Variants in FAF1 observed in about 807,000 individuals in gnomAD.
The protein encoded by FAF1 is Fas associated factor 1, also known as FAS-associated factor 1.
Under a neutral mutation model 92.5 loss-of-function variants are expected in FAF1, and 25 were observed. The ratio of observed to expected loss-of-function variants is 0.27; its 90% CI spans 0.20 to 0.38. The LOEUF (loss-of-function observed/expected upper bound fraction) is 0.38, where lower values mean the gene tolerates loss of function less well. Ranked by LOEUF, FAF1 falls within the 10% of genes least tolerant of loss-of-function variation. The probability of loss-of-function intolerance (pLI) is 1.00; values close to 1 mark genes in which losing one functional copy is unlikely to be tolerated. For synonymous variants in FAF1, 234 were observed against 273.2 expected (o/e 0.86, Z 1.42); for missense variants, 636 against 793.3 (o/e 0.80, Z 2.38).
intron 8 of FAF1, among the ~76,000 whole-genome samples, chr1:50,614,095 G>GA (rs932021082): frequency 2.6e-4 from 38 of 147,550 alleles, no homozygotes; most frequent in Middle Eastern, 3.4e-3. Flanking sequence ...GACTCTGTCT[G>GA]AAAAAAAAAG....
intron 8 of FAF1, among the ~76,000 whole-genome samples, chr1:50,636,557 T>C (rs1345303544): frequency 6.6e-6 from 1 of 152,040 alleles, no homozygotes; most frequent in Non-Finnish European, 1.5e-5. Context: ...GATTTCACCA[T>C]GTTGGCCAGG....
intron 1 of FAF1, among the ~76,000 whole-genome samples, chr1:50,945,022 G>A (rs1464382498): frequency 1.3e-5 from 2 of 151,978 alleles, no homozygotes; most frequent in Non-Finnish European, 2.9e-5. Flanking sequence ...GGAGGTGAAG[G>A]ATGTAGAATC....
intron 15 of FAF1, among the ~76,000 whole-genome samples, chr1:50,534,597 C>T (rs1648367314): frequency 6.6e-6 from 1 of 152,062 alleles, no homozygotes; most frequent in Non-Finnish European, 1.5e-5. Context: ...TTTGAAAACC[C>T]TGCCCACATC....
In FAF1 at chr1:50,819,692, CAT is replaced by C. The variant is rs1392872540; in HGVS notation, c.115-18017_115-18016del. On this transcript the variant is annotated intron_variant, in intron 2 of 18. Transcript: ENST00000396153. ...CACTCTCTCTCTGTATATATATATA[CAT>C]ATATATATACATATATATATACGTA... Among the ~76,000 whole-genome samples, 229 of 45,612 alleles carry C rather than the reference CAT, an allele frequency of 5.0e-3. 16 individuals carry two copies. Among genetic ancestry groups the C allele is most frequent in the South Asian group, 0.018 (32 of 1,804 alleles). The allele number at this position is 45,612 out of a possible 152,430, so 29.9% of individuals were successfully genotyped here.
chr1:50,621,965 A>G (rs1051740264), intron 8 of FAF1, among the ~76,000 whole-genome samples: 89 of 152,192 alleles, frequency 5.8e-4, no homozygotes, highest in African/African-American at 2.1e-3. Flanking sequence ...CGGAAGTTCG[A>G]GACCAGCCTG....
intron 5 of FAF1, among the ~76,000 whole-genome samples, chr1:50,739,397 T>G (rs1257964569): frequency 9.1e-6 from 1 of 110,330 alleles, no homozygotes; most frequent in Non-Finnish European, 1.8e-5. Flanking sequence ...TGTGTGTTTA[T>G]GTGTATGTGT....
rs1037625701 is a variant in FAF1 at position 50,495,083 on chromosome 1, C to T, written c.1495-3282G>A. The stretch of plus-strand genomic sequence containing the variant: ...ATTACTTCATGGAAAGTGGGGTGTC[C>T]GTCCCCTCAAGCACTTATCCTTTGT... On this transcript the variant is annotated intron_variant, in intron 15 of 18. Coordinates refer to ENST00000396153, the MANE Select transcript of FAF1 (RefSeq NM_007051.3). Among the ~76,000 whole-genome samples, 63 of 151,910 alleles carry T rather than the reference C, an allele frequency of 4.1e-4. 1 individual carries two copies. The highest frequency in any genetic ancestry group is 4.8e-4 in the African/African-American group (20 of 41,316).
At chr1:50,815,474 C>T (rs992103818) in intron 2 of FAF1, among the ~76,000 whole-genome samples, 2 of 152,104 alleles carry the variant, frequency 1.3e-5, no homozygotes, top group Non-Finnish European at 2.9e-5. Context: ...TTGATGGACA[C>T]CTAGATTGAT....
At chr1:50,527,593 G>C (rs575832200) in intron 15 of FAF1, among the ~76,000 whole-genome samples, 17 of 152,306 alleles carry the variant, frequency 1.1e-4, no homozygotes, top group African/African-American at 3.6e-4. Context: ...AGAATAAAGA[G>C]TGATGACTAC....
intron 8 of FAF1, among the ~76,000 whole-genome samples, chr1:50,604,577 G>A (rs1652291284): frequency 6.6e-6 from 1 of 152,034 alleles, no homozygotes; most frequent in East Asian, 1.9e-4. Context: ...GTACAATCAC[G>A]GCCGACTGCC....
At chr1:50,715,893 T>A (rs911228238) in intron 6 of FAF1, among the ~76,000 whole-genome samples, 2 of 152,202 alleles carry the variant, frequency 1.3e-5, no homozygotes, top group Non-Finnish European at 2.9e-5. Context: ...ACAGGTATTT[T>A]TATATATATG....
chr1:50,792,807 T>C (rs1437834623), intron 3 of FAF1, among the ~76,000 whole-genome samples: 2 of 152,142 alleles, frequency 1.3e-5, no homozygotes, highest in African/African-American at 4.8e-5. Flanking sequence ...GAAAGACTCC[T>C]GAACAAGCTA....
intron 9 of FAF1, among the ~76,000 whole-genome samples, chr1:50,588,278 G>T (rs926378675): frequency 1.3e-5 from 2 of 152,152 alleles, no homozygotes; most frequent in African/African-American, 4.8e-5. Flanking sequence ...TATAGACAGG[G>T]TCTCACTATT....
chr1:50,870,508 G>C (rs1305419230), intron 1 of FAF1, among the ~76,000 whole-genome samples: 1 of 152,202 alleles, frequency 6.6e-6, no homozygotes, highest in Non-Finnish European at 1.5e-5. Context: ...CCTGCATCGA[G>C]CAAGTCCATC....
intron 9 of FAF1, among the ~76,000 whole-genome samples, chr1:50,593,674 A>G (rs1651639851): frequency 1.3e-5 from 2 of 152,244 alleles, no homozygotes; most frequent in Admixed American, 6.5e-5. Flanking sequence ...GTACAGTATA[A>G]TACAGCACAG....
chr1:50,959,191 T>C (rs984690551), intron 1 of FAF1, among the ~76,000 whole-genome samples: 5 of 152,216 alleles, frequency 3.3e-5, no homozygotes, highest in Non-Finnish European at 7.3e-5. Flanking sequence ...CTCTGGAATA[T>C]ATAGTCTTAT....
chr1:50,452,317 G>C (rs1216811681), intron 18 of FAF1: 2 of 407,710 alleles, frequency 4.9e-6, no homozygotes, highest in Non-Finnish European at 9.0e-6. Flanking sequence ...TCTGTAGTGT[G>C]GCAAGATAAA....
rs1280933968 is a variant in FAF1, at chr1:50,679,889, A to G, written c.658-24361T>C. ...GGCAACTAAGACATCTAATAACAATACTACATAAATTCACAATATATTCAA... is the reference window on the plus strand; with the variant it reads ...GGCAACTAAGACATCTAATAACAATGCTACATAAATTCACAATATATTCAA... On this transcript the variant is annotated intron_variant, in intron 7 of 18. Coordinates refer to ENST00000396153, the MANE Select transcript of FAF1 (RefSeq NM_007051.3). Among the ~76,000 whole-genome samples, 3 of 152,340 alleles carry G rather than the reference A, an allele frequency of 2.0e-5. No homozygotes were observed. In the East Asian group the frequency reaches 5.8e-4, roughly 29 times the overall value.
At chr1:50,536,566 G>A (rs763909465) in intron 14 of FAF1, among the ~76,000 whole-genome samples, 6 of 152,098 alleles carry the variant, frequency 3.9e-5, no homozygotes, top group Admixed American at 2.0e-4. Context: ...TGGGTTTAGG[G>A]AACATCTATG....
Sources: gnomAD v4.1 joint callset for allele counts (sites outside exome capture counted in the v4.1 genomes callset) on GRCh38, gnomAD v4.1.1 for gene constraint, MANE v1.5 for transcripts, NCBI Gene and HGNC (gene_info 2026-07-23, HGNC 2026-07-21) for gene names.